The following DNAJC3 variants were observed in gnomAD, a reference collection of about 807,000 sequenced individuals.
DNAJC3 encodes the protein DnaJ heat shock protein family (Hsp40) member C3.
Under a neutral mutation model 68.6 loss-of-function variants are expected in DNAJC3, and 38 were observed. The observed-to-expected ratio is 0.55, with a 90% CI of 0.43 to 0.73. The LOEUF is 0.73. DNAJC3 is among the 30% of genes least tolerant of loss of function. The probability of loss-of-function intolerance (pLI) is 0.00; values close to 1 mark genes in which losing one functional copy is unlikely to be tolerated. For missense variants in DNAJC3, 526 were observed against 591.9 expected (o/e 0.89, Z 1.16); for synonymous variants, 203 against 204.0 (o/e 1.00, Z 0.04).
chr13:95,699,876 C>T (rs1880540407), intron 1 of DNAJC3, among the ~76,000 whole-genome samples: 1 of 151,796 alleles, frequency 6.6e-6, no homozygotes, highest in African/African-American at 2.4e-5. Context: ...GCTCTGTTGC[C>T]CAGACTGGAG....
At chr13:95,715,032 C>T (rs1049893875) in intron 2 of DNAJC3, among the ~76,000 whole-genome samples, 2 of 151,972 alleles carry the variant, frequency 1.3e-5, no homozygotes, top group African/African-American at 4.8e-5. Flanking sequence ...GATGCTGAAA[C>T]ATGGCAATTT....
intron 1 of DNAJC3, among the ~76,000 whole-genome samples, chr13:95,685,757 A>G (rs898303224): frequency 1.3e-5 from 2 of 151,912 alleles, no homozygotes; most frequent in African/African-American, 2.4e-5. Flanking sequence ...TGCCACCCAT[A>G]TATGTGTTAC....
chr13:95,685,408 A>G (rs1880047424), intron 1 of DNAJC3, among the ~76,000 whole-genome samples: 1 of 152,156 alleles, frequency 6.6e-6, no homozygotes, highest in Non-Finnish European at 1.5e-5. Flanking sequence ...CTATAATCCC[A>G]TTGTATCTTG....
At chr13:95,790,240 T>C (rs1051032770) in intron 11 of DNAJC3, among the ~76,000 whole-genome samples, 2 of 152,246 alleles carry the variant, frequency 1.3e-5, no homozygotes, top group Non-Finnish European at 2.9e-5. Flanking sequence ...CTAATGACTC[T>C]GAGGACATGA....
At chr13:95,727,808 T>G (rs1221825436) in intron 4 of DNAJC3, among the ~76,000 whole-genome samples, 1 of 152,232 alleles carries the variant, frequency 6.6e-6, no homozygotes, top group Non-Finnish European at 1.5e-5. Flanking sequence ...TGTTGGTTCA[T>G]GTACCTACCA....
At chr13:95,769,929 C>T (rs752694139) in intron 9 of DNAJC3, among the ~76,000 whole-genome samples, 1 of 152,102 alleles carries the variant, frequency 6.6e-6, no homozygotes, top group Non-Finnish European at 1.5e-5. Context: ...GAAACAGTTA[C>T]AATAGTCAAG....
intron 1 of DNAJC3, among the ~76,000 whole-genome samples, chr13:95,699,993 A>G (rs1238442600): frequency 6.6e-6 from 1 of 151,976 alleles, no homozygotes; most frequent in African/African-American, 2.4e-5. Context: ...CATTTTTAAA[A>G]TTTTTTGTAG....
In DNAJC3 at chr13:95,782,225, C is replaced by T. The variant is rs185293305; in HGVS notation, c.1076-3714C>T. Among the ~76,000 whole-genome samples, 246 of 152,236 alleles carry T rather than the reference C, an allele frequency of 1.6e-3. 1 individual carries two copies. Among genetic ancestry groups the T allele is most frequent in the African/African-American group, 5.0e-3 (208 of 41,528 alleles). On this transcript the variant is annotated intron_variant, in intron 9 of 11. Transcript: ENST00000602402. ...TCATTGATAGACATTTGGGTTGGTT[C>T]CAAGTCTTTGCTATTGTGAACAGTG...
chr13:95,731,677 T>A (rs572287988), intron 4 of DNAJC3, among the ~76,000 whole-genome samples: 6 of 152,208 alleles, frequency 3.9e-5, no homozygotes, highest in African/African-American at 1.4e-4. Flanking sequence ...GTTTTCTGGT[T>A]TTGTTTTTGT....
chr13:95,730,042 A>G (rs1025477687), intron 4 of DNAJC3, among the ~76,000 whole-genome samples: 1 of 152,072 alleles, frequency 6.6e-6, no homozygotes, highest in Non-Finnish European at 1.5e-5. Flanking sequence ...CCTATGCTGG[A>G]GTACAGTGGC....
chr13:95,790,801 C>T, intron 11 of DNAJC3, 72 bp from the exon 12 acceptor site: 3 of 1,518,116 alleles, frequency 2.0e-6, no homozygotes, highest in Non-Finnish European at 2.7e-6. Flanking sequence ...CCTCCTCTGC[C>T]CAAAGAAAAC....
chr13:95,749,502 T>A (rs1023947917), intron 4 of DNAJC3, among the ~76,000 whole-genome samples: 2 of 152,192 alleles, frequency 1.3e-5, no homozygotes, highest in Non-Finnish European at 2.9e-5. Flanking sequence ...AAGAGGGAAC[T>A]ACTGACTTTT....
chr13:95,786,074 G>A lies in DNAJC3; in HGVS notation c.1208+3G>A. 6.3e-7 allele frequency: 1 copy of A among 1,590,518 alleles called. No homozygotes were observed. The highest frequency in any genetic ancestry group is 1.2e-5 in the South Asian group (1 of 86,126). On this transcript the variant is annotated splice_donor_region_variant and intron_variant, in intron 10 of 11. Coordinates refer to ENST00000602402, the MANE Select transcript of DNAJC3 (RefSeq NM_006260.5). The stretch of plus-strand genomic sequence containing the variant: ...TATAAAATCTTGGGAGTAAAAAGGT[G>A]AATTATTAATTTAAAATTTACTTTG...
At chr13:95,707,194 A>G (rs908589203) in intron 1 of DNAJC3, among the ~76,000 whole-genome samples, 1 of 152,176 alleles carries the variant, frequency 6.6e-6, no homozygotes, top group Non-Finnish European at 1.5e-5. Flanking sequence ...TAATGCCTCC[A>G]CTGATCTGAC....
At chr13:95,700,952 G>A (rs766024624) in intron 1 of DNAJC3, among the ~76,000 whole-genome samples, 1 of 152,194 alleles carries the variant, frequency 6.6e-6, no homozygotes, top group Non-Finnish European at 1.5e-5. Flanking sequence ...GGCAAGGAGA[G>A]CTAGCTGAAA....
intron 9 of DNAJC3, among the ~76,000 whole-genome samples, chr13:95,771,727 A>T (rs1005025123): frequency 5.3e-5 from 8 of 152,188 alleles, no homozygotes; most frequent in African/African-American, 1.7e-4. Context: ...TCTTTGTTTA[A>T]CCCAACTCCT....
At chr13:95,740,928 T>C (rs888624189) in intron 4 of DNAJC3, among the ~76,000 whole-genome samples, 28 of 152,236 alleles carry the variant, frequency 1.8e-4, no homozygotes, top group Non-Finnish European at 3.1e-4. Flanking sequence ...TATGTATCTC[T>C]TTTATACATT....
intron 2 of DNAJC3, among the ~76,000 whole-genome samples, chr13:95,710,292 G>C (rs1880915495): frequency 6.6e-6 from 1 of 150,902 alleles, no homozygotes; most frequent in South Asian, 2.1e-4. Flanking sequence ...AGGCTGGAGT[G>C]CATTGGTGTG....
chr13:95,700,429 A>G (rs1880554273), intron 1 of DNAJC3, among the ~76,000 whole-genome samples: 1 of 152,120 alleles, frequency 6.6e-6, no homozygotes, highest in South Asian at 2.1e-4. Flanking sequence ...TTGGGAGGGT[A>G]TGTTCTGAGC....
Sources: gnomAD v4.1 joint callset for allele counts (sites outside exome capture counted in the v4.1 genomes callset) on GRCh38, gnomAD v4.1.1 for gene constraint, MANE v1.5 for transcripts, NCBI Gene and HGNC (gene_info 2026-07-23, HGNC 2026-07-21) for gene names.